FGF14: variants seen among roughly 807,000 people sequenced by gnomAD.
FGF14 encodes the protein fibroblast growth factor 14.
In FGF14, 5 loss-of-function variants were observed where a neutral mutation model predicts 25.5. That is an observed-to-expected ratio of 0.20 (90% CI 0.10 to 0.41). The LOEUF (loss-of-function observed/expected upper bound fraction) is 0.41, where lower values mean the gene tolerates loss of function less well. Ranked by LOEUF, FGF14 falls within the 10% of genes least tolerant of loss-of-function variation. FGF14 has a pLI of 1.00. For synonymous variants in FGF14, 138 were observed against 118.3 expected (o/e 1.17, Z -1.08); for missense variants, 222 against 320.1 (o/e 0.69, Z 2.34).
chr13:102,363,038 A>T (rs1357416487), intron 1 of FGF14, among the ~76,000 whole-genome samples: 4 of 152,228 alleles, frequency 2.6e-5, no homozygotes, highest in African/African-American at 9.6e-5. Context: ...TAAACCATTA[A>T]GGCATAAAAA....
chr13:101,727,124 A>G (rs2035492214), intron 3 of FGF14, among the ~76,000 whole-genome samples: 2 of 152,126 alleles, frequency 1.3e-5, no homozygotes, highest in Admixed American at 6.6e-5. Context: ...GCATTAAAGT[A>G]GCATCAGATA....
intron 3 of FGF14, among the ~76,000 whole-genome samples, chr13:101,824,367 T>C (rs910313119): frequency 6.6e-6 from 1 of 152,200 alleles, no homozygotes; most frequent in Non-Finnish European, 1.5e-5. Context: ...TGGGGTTCTC[T>C]GTGCTTGTTA....
chr13:101,713,015 T>C lies in FGF14; in HGVS notation c.*9816A>G, dbSNP rs961968786. Reference sequence around the variant, plus strand: ...CAACCTGGACCCTCAGGAAAACAAGTCAAGACTAAATACAATTATGCCATA... The same window carrying C: ...CAACCTGGACCCTCAGGAAAACAAGCCAAGACTAAATACAATTATGCCATA... On this transcript the variant is annotated 3_prime_UTR_variant, in exon 5 of 5. Transcript: ENST00000376143. 3.9e-5 allele frequency: 6 copies of C among 152,230 alleles called. 1 individual carries two copies. The highest frequency in any genetic ancestry group is 3.3e-4 in the Admixed American group (5 of 15,294). The allele number at this position is 152,230 out of a possible 1,614,324, so 9.4% of individuals were successfully genotyped here.
intron 1 of FGF14, among the ~76,000 whole-genome samples, chr13:102,235,536 G>A (rs114901571): frequency 1.3e-3 from 205 of 152,284 alleles, no homozygotes; most frequent in African/African-American, 4.8e-3. Context: ...CTTAACATTT[G>A]AGAAGGGCTT....
At chr13:102,348,989 C>T (rs2057194853) in intron 1 of FGF14, among the ~76,000 whole-genome samples, 1 of 152,206 alleles carries the variant, frequency 6.6e-6, no homozygotes, top group South Asian at 2.1e-4. Flanking sequence ...TGGTTCTCCA[C>T]TCTGGCCATT....
At chr13:101,904,290 G>T (rs1054323311) in intron 1 of FGF14, among the ~76,000 whole-genome samples, 1 of 152,112 alleles carries the variant, frequency 6.6e-6, no homozygotes, top group Non-Finnish European at 1.5e-5. Flanking sequence ...AGTAAGGATA[G>T]TGGTAAATAA....
rs2037953116 is a variant in FGF14, at chr13:101,760,543, C to T, written c.409-33733G>A. Among the ~76,000 whole-genome samples, 3 of 152,276 alleles carry T rather than the reference C, an allele frequency of 2.0e-5. No individual in the cohort carries two copies. The South Asian group carries it at 6.2e-4, about 32-fold the overall frequency. ...TCACGTGCTCAAAGAACTGTTCATGCTGTTCCCTTGATCAAAAGCCGTCAG... is the reference window on the plus strand; with the variant it reads ...TCACGTGCTCAAAGAACTGTTCATGTTGTTCCCTTGATCAAAAGCCGTCAG... On this transcript the variant is annotated intron_variant, in intron 3 of 4. Coordinates refer to ENST00000376143, the MANE Select transcript of FGF14 (RefSeq NM_004115.4).
At chr13:102,325,320 G>T (rs2138788364) in intron 1 of FGF14, among the ~76,000 whole-genome samples, 1 of 152,118 alleles carries the variant, frequency 6.6e-6, no homozygotes, top group Non-Finnish European at 1.5e-5. Flanking sequence ...AAAAATTTTA[G>T]AAAAACGTTG....
intron 1 of FGF14, among the ~76,000 whole-genome samples, chr13:102,016,772 C>T (rs376609991): frequency 6.6e-5 from 10 of 152,150 alleles, no homozygotes; most frequent in African/African-American, 2.2e-4. Flanking sequence ...AGGTATGAGC[C>T]ACCAAGCACA....
intron 3 of FGF14, among the ~76,000 whole-genome samples, chr13:101,785,729 T>C (rs2039784402): frequency 6.6e-6 from 1 of 152,178 alleles, no homozygotes; most frequent in Non-Finnish European, 1.5e-5. Flanking sequence ...TCAGAGGGTT[T>C]TTTTCCTCCT....
intron 1 of FGF14, among the ~76,000 whole-genome samples, chr13:102,101,259 T>G (rs1265829895): frequency 2.0e-5 from 3 of 152,220 alleles, no homozygotes; most frequent in Admixed American, 6.5e-5. Flanking sequence ...AGCAATGACC[T>G]TTTATTCAGA....
At chr13:101,743,523 A>G (rs1212809265) in intron 3 of FGF14, among the ~76,000 whole-genome samples, 1 of 152,176 alleles carries the variant, frequency 6.6e-6, no homozygotes, top group African/African-American at 2.4e-5. Flanking sequence ...ACAAAATATT[A>G]ATAAAAACTG....
chr13:102,053,475 C>T (rs978562565), intron 1 of FGF14, among the ~76,000 whole-genome samples: 14 of 151,880 alleles, frequency 9.2e-5, no homozygotes, highest in South Asian at 2.1e-4. Context: ...CCTGAACAAC[C>T]GATCAATTAA....
chr13:102,031,654 A>C (rs1477397927), intron 1 of FGF14, among the ~76,000 whole-genome samples: 1 of 150,430 alleles, frequency 6.6e-6, no homozygotes, highest in African/African-American at 2.5e-5. Flanking sequence ...GATATAATGA[A>C]AACATAAAAC....
chr13:102,068,849 G>A (rs1170438618), intron 1 of FGF14, among the ~76,000 whole-genome samples: 1 of 152,218 alleles, frequency 6.6e-6, no homozygotes, highest in Admixed American at 6.5e-5. Context: ...CCCAAGGGCT[G>A]AGGAGTGCGA....
intron 1 of FGF14, among the ~76,000 whole-genome samples, chr13:101,900,942 A>G (rs192693832): frequency 1.5e-3 from 221 of 152,346 alleles, no homozygotes; most frequent in African/African-American, 4.9e-3. Context: ...AGGTTATTTA[A>G]TAAATCTGCC....
At chr13:102,234,324 G>C in intron 1 of FGF14, among the ~76,000 whole-genome samples, 1 of 98,262 alleles carries the variant, frequency 1.0e-5, no homozygotes, top group Non-Finnish European at 2.0e-5. Flanking sequence ...TTAATACCAT[G>C]GAAATATACA....
intron 1 of FGF14, among the ~76,000 whole-genome samples, chr13:102,283,496 C>A (rs1398082823): frequency 2.0e-5 from 3 of 152,146 alleles, no homozygotes; most frequent in Non-Finnish European, 2.9e-5. Flanking sequence ...AAGTGTTTTA[C>A]CAGCAATATC....
chr13:101,983,491 T>C (rs150788426), intron 1 of FGF14, among the ~76,000 whole-genome samples: 1 of 152,212 alleles, frequency 6.6e-6, no homozygotes, highest in Non-Finnish European at 1.5e-5. Flanking sequence ...ATGCAATAAG[T>C]CATCAATCCA....
Sources: gnomAD v4.1 joint callset for allele counts (sites outside exome capture counted in the v4.1 genomes callset) on GRCh38, gnomAD v4.1.1 for gene constraint, MANE v1.5 for transcripts, NCBI Gene and HGNC (gene_info 2026-07-23, HGNC 2026-07-21) for gene names.